Variants in KDM5A observed in about 807,000 individuals in gnomAD.
KDM5A encodes lysine demethylase 5A.
Under a neutral mutation model 193.5 loss-of-function variants are expected in KDM5A, and 42 were observed. The observed-to-expected ratio is 0.22, with a 90% confidence interval of 0.17 to 0.28. KDM5A has a LOEUF of 0.28. KDM5A is among the 10% of genes least tolerant of loss of function. The pLI is 1.00. For missense variants in KDM5A, 1,692 were observed against 2,055.1 expected, an observed-to-expected ratio of 0.82 and a Z score of 3.42; for synonymous variants, 796 against 718.1, an observed-to-expected ratio of 1.11 and a Z score of -1.73.
At chr12:375,929 C>G (rs2098094) in intron 3 of KDM5A, among the ~76,000 whole-genome samples, 119,963 of 152,230 alleles carry the variant, frequency 0.79, 47,501 homozygotes, top group African/African-American at 0.85. Flanking sequence ...CTGCCTGATC[C>G]TTCCTCTGGA....
rs965111139 is a variant in KDM5A, at chr12:335,934, T to G, written c.1309-1512A>C. Among the ~76,000 whole-genome samples, 3 of 142,784 alleles carry G rather than the reference T, an allele frequency of 2.1e-5. No individual in the cohort carries two copies. In the South Asian group the frequency reaches 6.5e-4, roughly 31 times the overall value. 93.7% of individuals were successfully genotyped at this position (142,784 alleles called of 152,430 possible). A position where few individuals can be genotyped will look rare whatever the true frequency, so the allele number is the denominator to read the frequency against. On this transcript the variant is annotated intron_variant, in intron 10 of 27. Transcript: ENST00000399788. ...GGCGGGCACCTGTAATCCCAGCTACTGGGGAGGCTGAGGCAGGAGAATCAC... is the reference window on the plus strand; with the variant it reads ...GGCGGGCACCTGTAATCCCAGCTACGGGGGAGGCTGAGGCAGGAGAATCAC...
intron 20 of KDM5A, among the ~76,000 whole-genome samples, chr12:312,174 T>C (rs1413756646): frequency 6.6e-6 from 1 of 152,260 alleles, no homozygotes; most frequent in African/African-American, 2.4e-5. Context: ...ACGGTTTTTA[T>C]GATTCGAGTA....
At chr12:388,016 T>C (rs1442334351) in intron 1 of KDM5A, among the ~76,000 whole-genome samples, 1 of 152,206 alleles carries the variant, frequency 6.6e-6, no homozygotes, top group Non-Finnish European at 1.5e-5. Context: ...CATCTGAGAC[T>C]AGTTGCTAGA....
intron 5 of KDM5A, among the ~76,000 whole-genome samples, chr12:360,156 C>T (rs181523557): frequency 1.5e-3 from 223 of 152,016 alleles, no homozygotes; most frequent in Admixed American, 3.5e-3. Context: ...TGCCTGTAAT[C>T]CCAGCTACTC....
At chr12:379,522 G>GT (rs1391646810) in intron 3 of KDM5A, among the ~76,000 whole-genome samples, 1 of 152,160 alleles carries the variant, frequency 6.6e-6, no homozygotes, top group Non-Finnish European at 1.5e-5. Flanking sequence ...GCATTACACT[G>GT]TAAGTTACAC....
intron 3 of KDM5A, among the ~76,000 whole-genome samples, chr12:380,978 T>C (rs1051692651): frequency 7.3e-6 from 1 of 137,636 alleles, no homozygotes; most frequent in Non-Finnish European, 1.6e-5. Flanking sequence ...GCATAATTAG[T>C]AGAGATAGGT....
intron 24 of KDM5A, among the ~76,000 whole-genome samples, chr12:297,608 T>A (rs1943389031): frequency 6.6e-6 from 1 of 152,166 alleles, no homozygotes; most frequent in South Asian, 2.1e-4. Flanking sequence ...CAGGGCCCAC[T>A]TAAGATAAGG....
intron 14 of KDM5A, 40 bp from the exon 15 acceptor site, chr12:323,821 T>G: frequency 6.4e-7 from 1 of 1,551,948 alleles, no homozygotes; most frequent in South Asian, 1.1e-5. Flanking sequence ...GTCTTTCTAG[T>G]CTTTAAAGCA....
At position 318,410 on chromosome 12, in the gene KDM5A, T is replaced by A; in HGVS notation, c.2593A>T (p.Met865Leu). The A allele has an allele frequency of 6.2e-7, 1 of 1,614,136 alleles. No homozygotes were observed. Among genetic ancestry groups the A allele is most frequent in the Non-Finnish European group, 8.5e-7 (1 of 1,179,978 alleles). The change falls in exon 19 of 28, where the codon ATG (methionine) becomes TTG (leucine). Residue 865 changes from methionine (M) to leucine (L), a missense_variant. This residue lies in a region of KDM5A where 965 missense variants were observed against 1,061.0 expected (regional missense o/e 0.91). Transcript: ENST00000399788. Reference protein sequence around the residue: ...EFHERAQEAMMDETPDSSKLQ... With the variant: ...EFHERAQEAMLDETPDSSKLQ... Reference sequence around the variant, plus strand: ...TTGGAAGAATCTGGGGTTTCATCCATCATGGCCTCCTGAGCACGTTCATGA... The same window carrying A: ...TTGGAAGAATCTGGGGTTTCATCCAACATGGCCTCCTGAGCACGTTCATGA...
At chr12:382,192 G>A (rs373259664) in intron 3 of KDM5A, among the ~76,000 whole-genome samples, 81 of 151,656 alleles carry the variant, frequency 5.3e-4, no homozygotes, top group African/African-American at 1.9e-3. Flanking sequence ...AACACTCTGG[G>A]AGGCTGAGGC....
intron 4 of KDM5A, among the ~76,000 whole-genome samples, chr12:364,504 G>A (rs1466098214): frequency 2.7e-5 from 4 of 147,248 alleles, no homozygotes; most frequent in South Asian, 2.2e-4. Context: ...ACACATAAAC[G>A]GCCGGGCGCA....
chr12:358,824 T>C (rs1944257918), intron 5 of KDM5A, among the ~76,000 whole-genome samples: 1 of 151,744 alleles, frequency 6.6e-6, no homozygotes, highest in Non-Finnish European at 1.5e-5. Flanking sequence ...ATACAAAAAT[T>C]AGCCACACAT....
chr12:358,789 T>C (rs146436197), intron 5 of KDM5A, among the ~76,000 whole-genome samples: 2 of 151,982 alleles, frequency 1.3e-5, no homozygotes, highest in East Asian at 3.9e-4. Context: ...CTGGACAATA[T>C]GGTGAAACCC....
intron 3 of KDM5A, among the ~76,000 whole-genome samples, chr12:367,638 G>T (rs547846292): frequency 6.6e-6 from 1 of 152,182 alleles, no homozygotes; most frequent in Admixed American, 6.5e-5. Flanking sequence ...GGAGGCAAAG[G>T]TTGCAGTTAG....
intron 4 of KDM5A, 31 bp from the exon 5 acceptor site, chr12:363,128 G>A: frequency 6.2e-7 from 1 of 1,613,256 alleles, no homozygotes; most frequent in Non-Finnish European, 8.5e-7. Flanking sequence ...AAGAGAGCAG[G>A]TTCACTGATA....
intron 22 of KDM5A, 79 bp downstream of exon 22, chr12:309,724 T>A (rs966580216): frequency 8.9e-6 from 13 of 1,466,872 alleles, no homozygotes; most frequent in Non-Finnish European, 1.2e-5. Flanking sequence ...GTTAAAAACA[T>A]AAAAACTGTG....
rs373480934 is a variant in KDM5A, at chr12:322,489, C to T, written c.2354G>A (p.Arg785Lys). The change falls in exon 17 of 28, where the codon AGG becomes AAG. Residue 785 changes from arginine to lysine, a missense_variant. Coordinates refer to ENST00000399788, the MANE Select transcript of KDM5A (RefSeq NM_001042603.3). ...GGTCTCAGCTTCTTTTACAGCATCC[C>T]TGAGTTTTCGAAAGAGATCATTCTC... ...YPENDLFRKL[R>K]DAVKEAETCA... 2 of 1,613,670 alleles carry T rather than the reference C, an allele frequency of 1.2e-6. No individual in the cohort carries two copies. The highest frequency in any genetic ancestry group is 2.7e-5 in the African/African-American group (2 of 74,932).
At chr12:294,575 A>T (rs925218474) in intron 26 of KDM5A, among the ~76,000 whole-genome samples, 3 of 152,246 alleles carry the variant, frequency 2.0e-5, no homozygotes, top group Non-Finnish European at 4.4e-5. Flanking sequence ...ACTGGAAAAC[A>T]CTATCTAAAT....
At chr12:310,124 T>C (rs370559914) in intron 21 of KDM5A, among the ~76,000 whole-genome samples, 160 bp from the exon 22 acceptor site, 10 of 152,264 alleles carry the variant, frequency 6.6e-5, no homozygotes, top group African/African-American at 2.2e-4. Flanking sequence ...CAACCCTATG[T>C]AGTAGGTATT....
Sources: gnomAD v4.1 joint callset for allele counts (sites outside exome capture counted in the v4.1 genomes callset) on GRCh38, gnomAD v4.1.1 for gene constraint, gnomAD v4.1.1 regional missense constraint, MANE v1.5 for transcripts, NCBI Gene and HGNC (gene_info 2026-07-23, HGNC 2026-07-21) for gene names.